GPR158: variants seen among roughly 807,000 people sequenced by gnomAD.
GPR158 encodes G protein-coupled receptor 158.
A neutral mutation model predicts 78.2 loss-of-function variants in GPR158; 30 were observed. The ratio of observed to expected loss-of-function variants is 0.38; its 90% CI spans 0.29 to 0.52. The LOEUF (loss-of-function observed/expected upper bound fraction) is 0.52, where lower values mean the gene tolerates loss of function less well. GPR158 is among the 20% of genes least tolerant of loss of function. The probability of loss-of-function intolerance (pLI) is 0.83; values close to 1 mark genes in which losing one functional copy is unlikely to be tolerated. For missense variants in GPR158, 1,463 were observed against 1,523.5 expected, an observed-to-expected ratio of 0.96 and a Z score of 0.66; for synonymous variants, 581 against 591.1, an observed-to-expected ratio of 0.98 and a Z score of 0.25.
In GPR158 at chr10:25,313,494, T is replaced by TA. The variant is rs150687213; in HGVS notation, c.1009-82405dup. ...TGAGAAATAAACTAGAATCAATGGG[T>TA]AAAAAAAAAAAATATATTTTAATTC... On this transcript the variant is annotated intron_variant, in intron 2 of 10. Coordinates refer to ENST00000376351, the MANE Select transcript of GPR158 (RefSeq NM_020752.3). Among the ~76,000 whole-genome samples the TA allele has an allele frequency of 9.8e-3, 1,440 of 147,188 alleles. 7 individuals carry two copies. Among genetic ancestry groups the TA allele is most frequent in the Non-Finnish European group, 0.014 (912 of 66,214 alleles).
intron 2 of GPR158, among the ~76,000 whole-genome samples, chr10:25,372,790 A>G (rs1360033622): frequency 2.0e-5 from 3 of 151,460 alleles, no homozygotes; most frequent in African/African-American, 7.3e-5. Context: ...GCAAACAAGC[A>G]TGGAACAGGT....
intron 6 of GPR158, among the ~76,000 whole-genome samples, chr10:25,559,632 T>C (rs190343198): frequency 4.6e-5 from 7 of 152,292 alleles, no homozygotes; most frequent in African/African-American, 1.7e-4. Context: ...CAGAAAGCCA[T>C]ATTATGAGAA....
At chr10:25,387,799 C>T (rs964476381) in intron 2 of GPR158, among the ~76,000 whole-genome samples, 6 of 152,124 alleles carry the variant, frequency 3.9e-5, no homozygotes, top group Non-Finnish European at 8.8e-5. Flanking sequence ...CAGGTGTGAG[C>T]CACCGTGCCT....
chr10:25,214,573 A>C (rs189073990), intron 1 of GPR158, among the ~76,000 whole-genome samples: 74 of 152,240 alleles, frequency 4.9e-4, no homozygotes, highest in Admixed American at 1.0e-3. Context: ...GATATAAATC[A>C]GGATACCATA....
intron 6 of GPR158, among the ~76,000 whole-genome samples, chr10:25,560,216 A>G (rs1413059059): frequency 6.6e-6 from 1 of 152,210 alleles, no homozygotes; most frequent in Non-Finnish European, 1.5e-5. Flanking sequence ...GGTTAAGGTT[A>G]AGGTAAATGC....
chr10:25,310,765 A>C (rs1403665529), intron 2 of GPR158, among the ~76,000 whole-genome samples: 1 of 151,730 alleles, frequency 6.6e-6, no homozygotes, highest in African/African-American at 2.4e-5. Context: ...TTTCTTTTGG[A>C]TTTTGAGTCA....
intron 3 of GPR158, among the ~76,000 whole-genome samples, chr10:25,406,880 AGAGGAAG>A (rs1834523248): frequency 6.6e-6 from 1 of 152,166 alleles, no homozygotes; most frequent in Admixed American, 6.6e-5. Context: ...TCAACAATGA[AGAGGAAG>A]GTGATCTTTT....
At chr10:25,577,217 A>T (rs559429968) in intron 7 of GPR158, among the ~76,000 whole-genome samples, 1 of 152,248 alleles carries the variant, frequency 6.6e-6, no homozygotes, top group Non-Finnish European at 1.5e-5. Context: ...CATGTTTTTG[A>T]TACTCAGACT....
intron 6 of GPR158, among the ~76,000 whole-genome samples, chr10:25,556,142 T>C (rs1836783712): frequency 6.6e-6 from 1 of 152,182 alleles, no homozygotes; most frequent in South Asian, 2.1e-4. Context: ...CTTGGTTGAT[T>C]GCGTGTAGAC....
intron 2 of GPR158, chr10:25,393,855 T>G (rs571266757): frequency 6.6e-6 from 1 of 152,328 alleles, no homozygotes; most frequent in East Asian, 1.9e-4. Context: ...TTGGATCTGT[T>G]TCCTTCACTG....
intron 2 of GPR158, among the ~76,000 whole-genome samples, chr10:25,225,878 C>T (rs1853366104): frequency 1.3e-5 from 2 of 152,026 alleles, no homozygotes; most frequent in Admixed American, 6.6e-5. Context: ...GGTAAGAAAA[C>T]ATATCATTTG....
intron 2 of GPR158, among the ~76,000 whole-genome samples, chr10:25,294,196 C>T (rs1434601796): frequency 6.6e-6 from 1 of 152,086 alleles, no homozygotes; most frequent in Non-Finnish European, 1.5e-5. Context: ...GTTATCTGAA[C>T]TAAGAGAGGG....
chr10:25,435,550 G>T (rs1284893368), intron 4 of GPR158, among the ~76,000 whole-genome samples: 3 of 152,176 alleles, frequency 2.0e-5, no homozygotes, highest in Non-Finnish European at 2.9e-5. Context: ...ATCACAGATG[G>T]ACAACAGTGG....
At chr10:25,551,692 T>C (rs1456425133) in intron 6 of GPR158, among the ~76,000 whole-genome samples, 1 of 152,140 alleles carries the variant, frequency 6.6e-6, no homozygotes, top group Middle Eastern at 3.2e-3. Context: ...ACTACCTATC[T>C]ACAAAGGCTA....
At position 25,572,833 on chromosome 10, in the gene GPR158, C is replaced by T. The variant is rs751398582; in HGVS notation, c.1699C>T (p.His567Tyr). Residue 567 changes from histidine to tyrosine, a missense_variant, in exon 7 of 11, where the codon CAC becomes TAC. By Grantham distance (83) the His-to-Tyr change is moderately conservative. Coordinates refer to ENST00000376351, the MANE Select transcript of GPR158 (RefSeq NM_020752.3). Reference protein sequence around the residue: ...SLIGQGKTSDHLIFNMCLIDR... With the variant: ...SLIGQGKTSDYLIFNMCLIDR... ...TATTGGCCAGGGGAAAACATCCGAT[C>T]ACCTCATCTTCAATATGTGCCTCAT... 4.3e-6 allele frequency: 7 copies of T among 1,613,742 alleles called. No homozygotes were observed. The highest frequency in any genetic ancestry group is 1.3e-5 in the African/African-American group (1 of 75,030).
chr10:25,245,214 A>C (rs1232475180), intron 2 of GPR158, among the ~76,000 whole-genome samples: 10 of 152,238 alleles, frequency 6.6e-5, no homozygotes, highest in Admixed American at 6.5e-4. Flanking sequence ...GAGGAGCCCA[A>C]CAGGGGATTA....
rs1837413611 is a variant in GPR158, at chr10:25,596,773, A to G, written c.2129A>G (p.Asp710Gly). Residue 710 changes from aspartate (D) to glycine (G), a missense_variant, in exon 10 of 11, where the codon GAT (aspartate) becomes GGT (glycine). By Grantham distance (94) the Asp-to-Gly change is moderately conservative (BLOSUM62 -1). Transcript: ENST00000376351. ...TCAGCCTGGAGTGAGCACAGCTTGG[A>G]TCCAGAGGACATTCGGGTAATGCCA... ...INSAWSEHSLDPEDIRDELKK... is the reference protein window; with the variant it reads ...INSAWSEHSLGPEDIRDELKK... The G allele has an allele frequency of 1.2e-6, 2 of 1,613,242 alleles. No individual in the cohort carries two copies. Among genetic ancestry groups the G allele is most frequent in the African/African-American group, 2.7e-5 (2 of 74,836 alleles).
intron 2 of GPR158, among the ~76,000 whole-genome samples, chr10:25,274,071 G>C (rs1435049237): frequency 6.6e-6 from 1 of 152,140 alleles, no homozygotes; most frequent in Non-Finnish European, 1.5e-5. Flanking sequence ...CTTTGTGATT[G>C]TCCTTTTGCA....
intron 4 of GPR158, among the ~76,000 whole-genome samples, chr10:25,413,203 A>T (rs562886297): frequency 6.6e-5 from 10 of 152,208 alleles, no homozygotes; most frequent in Non-Finnish European, 1.3e-4. Flanking sequence ...GTGGTGGTGC[A>T]TGCCTATAGT....
Sources: gnomAD v4.1 joint callset for allele counts (sites outside exome capture counted in the v4.1 genomes callset) on GRCh38, gnomAD v4.1.1 for gene constraint, MANE v1.5 for transcripts, NCBI Gene and HGNC (gene_info 2026-07-23, HGNC 2026-07-21) for gene names.